Variants in PLD2 observed in about 807,000 individuals in gnomAD.
PLD2 encodes phospholipase D2, also known as choline phosphatase 2.
PLD2 carries 101 observed loss-of-function variants against 119.8 expected under a neutral mutation model. The ratio of observed to expected loss-of-function variants is 0.84; its 90% confidence interval spans 0.72 to 0.99. PLD2 has a LOEUF of 0.99. PLD2 is among the 50% of genes least tolerant of loss of function. The pLI, the probability that PLD2 is intolerant of heterozygous loss-of-function variation, is 0.00. For missense variants in PLD2, 1,164 were observed against 1,226.8 expected, an observed-to-expected ratio of 0.95 and a Z score of 0.76; for synonymous variants, 494 against 482.8, an observed-to-expected ratio of 1.02 and a Z score of -0.30.
At position 4,809,787 on chromosome 17, in the gene PLD2, C is replaced by T. The variant is rs544767806; in HGVS notation, c.707+4C>T. 1.5e-5 allele frequency: 24 copies of T among 1,614,064 alleles called. No individual in the cohort carries two copies. Among genetic ancestry groups the T allele is most frequent in the South Asian group, 1.4e-4 (13 of 91,070 alleles). On this transcript the variant is annotated splice_donor_region_variant and intron_variant, in intron 8 of 24. Transcript: ENST00000263088. ...TTTGTTATCGCTGGTCCAAGAGGTACGGGCTATGGCCAAGCAGCTGGGCAG... is the reference window on the plus strand; with the variant it reads ...TTTGTTATCGCTGGTCCAAGAGGTATGGGCTATGGCCAAGCAGCTGGGCAG...
intron 13 of PLD2, 39 bp downstream of exon 13, chr17:4,815,625 C>G: frequency 1.3e-6 from 2 of 1,578,504 alleles, no homozygotes; most frequent in South Asian, 2.2e-5. Context: ...CATGACAGCC[C>G]TTCTCCCCAC....
At position 4,818,498 on chromosome 17, in the gene PLD2, G is replaced by A. The variant is rs764094836; in HGVS notation, c.2014G>A (p.Gly672Arg). Residue 672 changes from glycine to arginine, a missense_variant, in exon 20 of 25, where the codon GGG (glycine) becomes AGG (arginine). Physicochemically the swap from Gly to Arg is moderately radical, Grantham distance 125. Transcript: ENST00000263088. ...VDRILKAHKQ[G>R]WCYRVYVLLP... is the part of the protein sequence containing the mutation. ...CTGACTCCACCCCCTCCCCAGACAGGGGTGGTGTTACCGAGTCTACGTGCT... is the reference window on the plus strand; with the variant it reads ...CTGACTCCACCCCCTCCCCAGACAGAGGTGGTGTTACCGAGTCTACGTGCT... 1.2e-6 allele frequency: 2 copies of A among 1,613,144 alleles called. No individual in the cohort carries two copies. The highest frequency in any genetic ancestry group is 1.7e-5 in the Admixed American group (1 of 59,992).
chr17:4,811,838 A>G (rs1906505886), intron 10 of PLD2, among the ~76,000 whole-genome samples: 1 of 152,028 alleles, frequency 6.6e-6, no homozygotes, highest in Non-Finnish European at 1.5e-5. Context: ...TGTTGGAGAC[A>G]GTGTCTTGCT....
intron 18 of PLD2, 46 bp from the exon 19 acceptor site, chr17:4,818,251 G>A (rs1332516979): frequency 6.4e-7 from 1 of 1,557,936 alleles, no homozygotes; most frequent in Non-Finnish European, 8.8e-7. Context: ...CCGAGGACAG[G>A]GCCAGGGGCC....
rs1907276997 is a variant in PLD2, at chr17:4,818,527, G to A, written c.2043G>A (p.Leu681=). 2 of 1,613,812 alleles carry A rather than the reference G, an allele frequency of 1.2e-6. No individual in the cohort carries two copies. The highest frequency in any genetic ancestry group is 1.7e-6 in the Non-Finnish European group (2 of 1,179,930). The change falls in exon 20 of 25, where the codon TTG becomes TTA. Residue 681 remains leucine, a synonymous_variant. Coordinates refer to ENST00000263088, the MANE Select transcript of PLD2 (RefSeq NM_002663.5). ...QGWCYRVYVL[L]PLLPGFEGDI... ...GGTGTTACCGAGTCTACGTGCTTTT[G>A]CCCTTACTCCCTGGCTTCGAGGGTG...
At chr17:4,811,551 T>A (rs982145081) in intron 10 of PLD2, among the ~76,000 whole-genome samples, 2 of 152,222 alleles carry the variant, frequency 1.3e-5, no homozygotes, top group African/African-American at 4.8e-5. Context: ...GTGCTGGGAT[T>A]ACAGGCGTGA....
chr17:4,808,248 A>G lies in PLD2; in HGVS notation c.241-26A>G, dbSNP rs1469386453. The stretch of plus-strand genomic sequence containing the variant: ...GGAGGCGGGGACCCACGCAGGGGAC[A>G]TCCATTCAGTTCCTCATACCCCTAG... On this transcript the variant is annotated intron_variant, in intron 3 of 24. Coordinates refer to ENST00000263088, the MANE Select transcript of PLD2 (RefSeq NM_002663.5). This position sits in a 1 kb window ranked among gnomAD's most constrained non-coding sequence, Gnocchi z 4.1. 1 of 1,612,550 alleles carries G rather than the reference A, an allele frequency of 6.2e-7. No individual in the cohort carries two copies. Among genetic ancestry groups the G allele is most frequent in the Admixed American group, 1.7e-5 (1 of 59,924 alleles).
Position 4,807,978 on chromosome 17 carries a change from T to C in PLD2, c.110-6T>C, listed in dbSNP as rs1906043396. 6.2e-7 allele frequency: 1 copy of C among 1,606,748 alleles called. No homozygotes were observed. The highest frequency in any genetic ancestry group is 8.5e-7 in the Non-Finnish European group (1 of 1,174,138). On this transcript the variant is annotated splice_polypyrimidine_tract_variant and splice_region_variant and intron_variant, in intron 2 of 24. Transcript: ENST00000263088. The surrounding 1 kb of genome is among the most constrained non-coding windows in gnomAD (Gnocchi z 5.4). ...GTCTACACTCCTCGACTTTCTTTCC[T>C]CCCAGCCGACCGGATGCACCCGTTT...
At position 4,819,684 on chromosome 17, in the gene PLD2, G is replaced by C. The variant is rs568041827; in HGVS notation, c.2462+102G>C. 8.8e-7 allele frequency: 1 copy of C among 1,132,588 alleles called. No homozygotes were observed. The highest frequency in any genetic ancestry group is 1.2e-6 in the Non-Finnish European group (1 of 805,010). The allele number at this position is 1,132,588 out of a possible 1,614,324, so 70.2% of individuals were successfully genotyped here. ...CCGCATAGGTACTCCCGGAGCCAGA[G>C]GTAGAGGCAGTACTAGATTCTCAAT... On this transcript the variant is annotated intron_variant, in intron 23 of 24. Coordinates refer to ENST00000263088, the MANE Select transcript of PLD2 (RefSeq NM_002663.5). The surrounding 1 kb of genome is among the most constrained non-coding windows in gnomAD (Gnocchi z 4.2).
rs2150667538 is a variant in PLD2, at chr17:4,808,564, T to C, written c.383+148T>C. The C allele has an allele frequency of 1.4e-6, 1 of 735,122 alleles. No individual in the cohort carries two copies. Among genetic ancestry groups the C allele is most frequent in the East Asian group, 2.5e-5 (1 of 39,472 alleles). The allele number at this position is 735,122 out of a possible 1,614,324, so 45.5% of individuals were successfully genotyped here. On this transcript the variant is annotated intron_variant, in intron 4 of 24. Coordinates refer to ENST00000263088, the MANE Select transcript of PLD2 (RefSeq NM_002663.5). The surrounding 1 kb of genome is among the most constrained non-coding windows in gnomAD (Gnocchi z 4.1). The stretch of plus-strand genomic sequence containing the variant: ...ACCCCAGTTACCAGGAAACTTTCCC[T>C]GCTCAGCTTTCCCTGTCCATGGTTC...
rs763199584 is a variant in PLD2 at position 4,807,967 on chromosome 17, ACTTT to A, written c.110-11_110-8del. The A allele has an allele frequency of 1.9e-6, 3 of 1,606,282 alleles. No homozygotes were observed. Among genetic ancestry groups the A allele is most frequent in the Admixed American group, 3.3e-5 (2 of 59,794 alleles). On this transcript the variant is annotated splice_polypyrimidine_tract_variant and intron_variant, in intron 2 of 24. Transcript: ENST00000263088. This position sits in a 1 kb window ranked among gnomAD's most constrained non-coding sequence, Gnocchi z 5.4. ...GGCCTGTTGTGGTCTACACTCCTCG[ACTTT>A]CTTTCCTCCCAGCCGACCGGATGCA...
chr17:4,823,104 G>A lies in PLD2; in HGVS notation c.*240G>A. The A allele has an allele frequency of 4.0e-6, 2 of 501,160 alleles. No homozygotes were observed. The highest frequency in any genetic ancestry group is 7.1e-6 in the Non-Finnish European group (2 of 281,560). The allele number at this position is 501,160 out of a possible 1,614,324, so 31.0% of individuals were successfully genotyped here. A position where few individuals can be genotyped will look rare whatever the true frequency, so the allele number is the denominator to read the frequency against. On this transcript the variant is annotated 3_prime_UTR_variant, in exon 25 of 25. Coordinates refer to ENST00000263088, the MANE Select transcript of PLD2 (RefSeq NM_002663.5). The stretch of plus-strand genomic sequence containing the variant: ...GAGCTCATCCCCCCTGCTGCCCAGT[G>A]CAAACCACTTCTCCATGCTGCAAAG...
At chr17:4,822,019 G>T in intron 24 of PLD2, 112 bp downstream of exon 24, 1 of 692,996 alleles carries the variant, frequency 1.4e-6, no homozygotes, top group East Asian at 2.7e-5. Flanking sequence ...GAAGGGGGAT[G>T]AGGGCCTGGG....
chr17:4,819,291 A>G lies in PLD2; in HGVS notation c.2308+73A>G. ...GCGAAGAGATGAGAGGCAGGATGAC[A>G]GAGACTGCAGCTGAGGCTCGTGTAG... On this transcript the variant is annotated intron_variant, in intron 22 of 24. Transcript: ENST00000263088. The surrounding 1 kb of genome is among the most constrained non-coding windows in gnomAD (Gnocchi z 4.2). 6.2e-7 allele frequency: 1 copy of G among 1,601,392 alleles called. No homozygotes were observed. The highest frequency in any genetic ancestry group is 1.3e-5 in the African/African-American group (1 of 74,872).
chr17:4,809,131 G>T lies in PLD2; in HGVS notation c.415G>T (p.Ala139Ser). The T allele has an allele frequency of 1.2e-6, 2 of 1,614,136 alleles. No homozygotes were observed. The highest frequency in any genetic ancestry group is 1.7e-5 in the Admixed American group (1 of 60,014). Residue 139 changes from alanine (A) to serine (S), a missense_variant, in exon 5 of 25, where the codon GCA becomes TCA. By Grantham distance (99) the Ala-to-Ser change is moderately conservative. Transcript: ENST00000263088. ...CGTTGCCTATTCTCCAGCCCGAGAT[G>T]CAGGCAACAGAGAGATGCCCTCTCT... ...FAVAYSPARDAGNREMPSLPR... is the reference protein window; with the variant it reads ...FAVAYSPARDSGNREMPSLPR...
Position 4,819,380 on chromosome 17 carries a change from G to A in PLD2, c.2309-49G>A, listed in dbSNP as rs1273065757. 1.9e-6 allele frequency: 3 copies of A among 1,609,258 alleles called. No individual in the cohort carries two copies. The highest frequency in any genetic ancestry group is 1.7e-6 in the Non-Finnish European group (2 of 1,177,622). On this transcript the variant is annotated intron_variant, in intron 22 of 24. Transcript: ENST00000263088. This position sits in a 1 kb window ranked among gnomAD's most constrained non-coding sequence, Gnocchi z 4.2. ...TTTGGTAGAGGGGATGGGGTACTGG[G>A]GAGAGTGCCCTGGGCCCAAGCACAC...
chr17:4,811,675 A>G lies in PLD2; in HGVS notation c.1010+724A>G, dbSNP rs1906494787. ...GTGATCAAATCGTGAAACAATGTGAACTTGCCGTACTGGTGATAGGTAGAA... is the reference window on the plus strand; with the variant it reads ...GTGATCAAATCGTGAAACAATGTGAGCTTGCCGTACTGGTGATAGGTAGAA... On this transcript the variant is annotated intron_variant, in intron 10 of 24. Coordinates refer to ENST00000263088, the MANE Select transcript of PLD2 (RefSeq NM_002663.5). 1.3e-5 allele frequency among the ~76,000 whole-genome samples: 2 copies of G among 152,186 alleles called. 1 individual carries two copies. The highest frequency in any genetic ancestry group is 1.3e-4 in the Admixed American group (2 of 15,268).
In PLD2 at chr17:4,808,460, C is replaced by T. The variant is rs1339357163; in HGVS notation, c.383+44C>T. On this transcript the variant is annotated intron_variant, in intron 4 of 24. Coordinates refer to ENST00000263088, the MANE Select transcript of PLD2 (RefSeq NM_002663.5). The surrounding 1 kb of genome is among the most constrained non-coding windows in gnomAD (Gnocchi z 4.1). The stretch of plus-strand genomic sequence containing the variant: ...CTTCCTGTAGAGGGCAGGTGCTCCC[C>T]ACCCTCCTTTCTGTCTGTCTCACCC... 5 of 1,590,774 alleles carry T rather than the reference C, an allele frequency of 3.1e-6. No homozygotes were observed. Among genetic ancestry groups the T allele is most frequent in the African/African-American group, 1.3e-5 (1 of 74,434 alleles).
rs1380296202 is a variant in PLD2, at chr17:4,815,789, CGTT to C, written c.1313_1315del (p.Leu438del). The C allele has an allele frequency of 3.7e-6, 6 of 1,613,916 alleles. No homozygotes were observed. The highest frequency in any genetic ancestry group is 3.3e-5 in the Admixed American group (2 of 59,972). On this transcript the variant is annotated inframe_deletion, in exon 14 of 25. Coordinates refer to ENST00000263088, the MANE Select transcript of PLD2 (RefSeq NM_002663.5). The stretch of plus-strand genomic sequence containing the variant: ...GTGATGCGTCACCCAGACCAAGTGA[CGTT>C]GTGGGCCCATCATGAGAAGCTCCTG...
Sources: gnomAD v4.1 joint callset for allele counts (sites outside exome capture counted in the v4.1 genomes callset) on GRCh38, gnomAD v4.1.1 for gene constraint, Gnocchi (gnomAD v3.1) non-coding constraint, MANE v1.5 for transcripts, NCBI Gene and HGNC (gene_info 2026-07-23, HGNC 2026-07-21) for gene names.